The following ZDHHC2 variants were observed in gnomAD, a reference collection of about 807,000 sequenced individuals.
ZDHHC2 encodes zDHHC palmitoyltransferase 2.
Under a neutral mutation model 55.6 loss-of-function variants are expected in ZDHHC2, and 51 were observed. The observed-to-expected ratio is 0.92, with a 90% CI of 0.73 to 1.16. The LOEUF is 1.16. Ranked by LOEUF, ZDHHC2 falls within the 50% of genes most tolerant of loss-of-function variation. The pLI is 0.00. For missense variants in ZDHHC2, 491 were observed against 442.4 expected (o/e 1.11, Z -0.99); for synonymous variants, 199 against 152.9 (o/e 1.30, Z -2.22).
intron 7 of ZDHHC2, among the ~76,000 whole-genome samples, chr8:17,207,025 A>G (rs950978819): frequency 6.6e-6 from 1 of 152,178 alleles, no homozygotes; most frequent in Admixed American, 6.5e-5. Context: ...GGAGAGCATT[A>G]CCTCACTGCT....
chr8:17,195,481 T>A, intron 3 of ZDHHC2, 23 bp from the exon 4 acceptor site: 1 of 1,599,812 alleles, frequency 6.3e-7, no homozygotes, highest in Non-Finnish European at 8.5e-7. Context: ...AAATACTGAT[T>A]AAGATTTAAA....
In ZDHHC2 at chr8:17,195,619, C is replaced by G. The variant is rs1276647239; in HGVS notation, c.368C>G (p.Ser123Cys). Reference sequence around the variant, plus strand: ...CTTCCCATCTATACCAGGACCATGTCTGGAGGTAAATGTTGATAATGAGTG... The same window carrying G: ...CTTCCCATCTATACCAGGACCATGTGTGGAGGTAAATGTTGATAATGAGTG... ...KDLPIYTRTM[S>C]GAIRYCDRCQ... Residue 123 changes from serine to cysteine, a missense_variant, in exon 4 of 13, where the codon TCT (serine) becomes TGT (cysteine). Ser to Cys is a moderately radical substitution (Grantham distance 112). Coordinates refer to ENST00000262096, the MANE Select transcript of ZDHHC2 (RefSeq NM_016353.5). The G allele has an allele frequency of 6.2e-7, 1 of 1,613,742 alleles. No individual in the cohort carries two copies. The highest frequency in any genetic ancestry group is 2.2e-5 in the East Asian group (1 of 44,862).
chr8:17,195,565 A>C lies in ZDHHC2; in HGVS notation c.314A>C (p.Gln105Pro), dbSNP rs751890279. 1 of 1,613,854 alleles carries C rather than the reference A, an allele frequency of 6.2e-7. No individual in the cohort carries two copies. The highest frequency in any genetic ancestry group is 8.5e-7 in the Non-Finnish European group (1 of 1,179,860). The change falls in exon 4 of 13, where the codon CAG (glutamine) becomes CCG (proline). Residue 105 changes from glutamine to proline, a missense_variant. Coordinates refer to ENST00000262096, the MANE Select transcript of ZDHHC2 (RefSeq NM_016353.5). ...AGAGAGCCAAGAGGAGAAGCCCATC[A>C]GGAAGTTCTTAGGCGAGCAGCCAAG... ...LEREPRGEAH[Q>P]EVLRRAAKDL... is the part of the protein sequence containing the mutation.
chr8:17,156,568 G>A lies in ZDHHC2; in HGVS notation c.-156G>A, dbSNP rs1804054043. 2 of 408,326 alleles carry A rather than the reference G, an allele frequency of 4.9e-6. No individual in the cohort carries two copies. Among genetic ancestry groups the A allele is most frequent in the Non-Finnish European group, 6.7e-6 (2 of 300,102 alleles). The allele number at this position is 408,326 out of a possible 1,614,324, so 25.3% of individuals were successfully genotyped here. The stretch of plus-strand genomic sequence containing the variant: ...TCCGCCGCGCCGGCTCGGGGCTGCG[G>A]GATGGGGAGTTAGCGCCACGGCGGC... On this transcript the variant is annotated 5_prime_UTR_variant, in exon 1 of 13. Transcript: ENST00000262096.
intron 6 of ZDHHC2, among the ~76,000 whole-genome samples, chr8:17,204,091 C>T (rs772304241): frequency 6.6e-6 from 1 of 152,212 alleles, no homozygotes; most frequent in Non-Finnish European, 1.5e-5. Flanking sequence ...CAGGTGTGAG[C>T]CACCACGCCC....
chr8:17,161,683 C>T (rs1804351704), intron 1 of ZDHHC2, among the ~76,000 whole-genome samples: 1 of 152,024 alleles, frequency 6.6e-6, no homozygotes, highest in Admixed American at 6.6e-5. Context: ...CATAGTGGAA[C>T]CCTGTCTCTA....
In ZDHHC2 at chr8:17,198,488, A is replaced by G. The variant is rs148454257; in HGVS notation, c.476+75A>G. ...TAAATTAAATCACTTATCCATGTAA[A>G]TCTTTTCACACATGAAATATTACTT... On this transcript the variant is annotated intron_variant, in intron 6 of 12. Coordinates refer to ENST00000262096, the MANE Select transcript of ZDHHC2 (RefSeq NM_016353.5). 519 of 1,346,598 alleles carry G rather than the reference A, an allele frequency of 3.9e-4. 3 individuals carry two copies. The African/African-American group carries it at 7.2e-3, about 19-fold the overall frequency. 83.4% of individuals were successfully genotyped at this position (1,346,598 alleles called of 1,614,324 possible). A position where few individuals can be genotyped will look rare whatever the true frequency, so the allele number is the denominator to read the frequency against.
chr8:17,195,456 T>TTA, intron 3 of ZDHHC2, 48 bp from the exon 4 acceptor site: 1 of 1,563,172 alleles, frequency 6.4e-7, no homozygotes, highest in Non-Finnish European at 8.7e-7. Context: ...GACCAATATG[T>TTA]TATAATTTCT....
chr8:17,193,808 G>A (rs1806165942), intron 3 of ZDHHC2, among the ~76,000 whole-genome samples: 1 of 152,236 alleles, frequency 6.6e-6, no homozygotes, highest in East Asian at 1.9e-4. Context: ...TGGGGTACAT[G>A]TCCAGAACGT....
At chr8:17,214,306 G>A (rs903530869) in intron 10 of ZDHHC2, among the ~76,000 whole-genome samples, 4 of 152,174 alleles carry the variant, frequency 2.6e-5, no homozygotes, top group African/African-American at 9.7e-5. Flanking sequence ...GGGTTTGTAA[G>A]ACCTGATAAT....
At chr8:17,168,180 T>C (rs929328567) in intron 1 of ZDHHC2, among the ~76,000 whole-genome samples, 2 of 152,068 alleles carry the variant, frequency 1.3e-5, no homozygotes, top group Non-Finnish European at 2.9e-5. Context: ...CTGAAAAAGG[T>C]CAAGGAAGAC....
At position 17,199,509 on chromosome 8, in the gene ZDHHC2, T is replaced by TTCTTCTTCGTCTTCGTCTTCG. The variant is rs1297662337; in HGVS notation, c.476+1101_476+1102insTTCGTCTTCGTCTTCGTCTTC. ...CTTCTTCTTCTTCTTCTTCTTCTTC[T>TTCTTCTTCGTCTTCGTCTTCG]TCTTCGTCTTCGTCTTCGTCTTCTG... On this transcript the variant is annotated intron_variant, in intron 6 of 12. Coordinates refer to ENST00000262096, the MANE Select transcript of ZDHHC2 (RefSeq NM_016353.5). Among the ~76,000 whole-genome samples the TTCTTCTTCGTCTTCGTCTTCG allele has an allele frequency of 1.3e-3, 163 of 121,156 alleles. 1 individual carries two copies. Among genetic ancestry groups the TTCTTCTTCGTCTTCGTCTTCG allele is most frequent in the South Asian group, 5.1e-3 (18 of 3,532 alleles). 79.5% of individuals were successfully genotyped at this position (121,156 alleles called of 152,430 possible).
At chr8:17,213,686 G>C (rs1807497076) in intron 10 of ZDHHC2, among the ~76,000 whole-genome samples, 1 of 152,154 alleles carries the variant, frequency 6.6e-6, no homozygotes. Flanking sequence ...TAAAGTGACA[G>C]GTGCTCAATA....
chr8:17,203,225 A>G (rs535792163), intron 6 of ZDHHC2, among the ~76,000 whole-genome samples: 1 of 151,430 alleles, frequency 6.6e-6, no homozygotes, highest in East Asian at 1.9e-4. Flanking sequence ...ATGCCAAGAT[A>G]ATTTTTGTAT....
In ZDHHC2 at chr8:17,210,393, G is replaced by A; in HGVS notation, c.863G>A (p.Gly288Asp). 1 of 1,612,876 alleles carries A rather than the reference G, an allele frequency of 6.2e-7. No homozygotes were observed. Among genetic ancestry groups the A allele is most frequent in the Non-Finnish European group, 8.5e-7 (1 of 1,179,464 alleles). ...YWLLPIFSSLGDGCSFPTCLV... is the reference protein window; with the variant it reads ...YWLLPIFSSLDDGCSFPTCLV... ...AATTTTTATTTTAATTCTAGTCTAG[G>A]TGATGGCTGCTCCTTTCCAACTTGC... Residue 288 changes from glycine to aspartate, a missense_variant, in exon 10 of 13, where the codon GGT becomes GAT. By Grantham distance (94) the Gly-to-Asp change is moderately conservative. Coordinates refer to ENST00000262096, the MANE Select transcript of ZDHHC2 (RefSeq NM_016353.5).
chr8:17,203,390 C>G lies in ZDHHC2; in HGVS notation c.477-2265C>G, dbSNP rs368658060. Among the ~76,000 whole-genome samples the G allele has an allele frequency of 2.7e-3, 417 of 152,044 alleles. 2 individuals are homozygous for G. Among genetic ancestry groups the G allele is most frequent in the African/African-American group, 9.5e-3 (395 of 41,462 alleles). On this transcript the variant is annotated intron_variant, in intron 6 of 12. Transcript: ENST00000262096. ...GAACTACAGCCATGTGCCACCATGC[C>G]CGGCTAATTTTTTGTATTTTTAGTA... is the stretch of plus-strand genomic sequence containing the variant.
intron 8 of ZDHHC2, among the ~76,000 whole-genome samples, chr8:17,209,263 A>G (rs1439349653): frequency 6.6e-6 from 1 of 152,162 alleles, no homozygotes; most frequent in Non-Finnish European, 1.5e-5. Context: ...CGGTTTGGAC[A>G]AACTAGTTTA....
In ZDHHC2 at chr8:17,190,213, A is replaced by G. The variant is rs1805947122; in HGVS notation, c.252+3788A>G. Among the ~76,000 whole-genome samples, 9 of 151,912 alleles carry G rather than the reference A, an allele frequency of 5.9e-5. No homozygotes were observed. The South Asian group carries it at 1.9e-3, about 32-fold the overall frequency. On this transcript the variant is annotated intron_variant, in intron 3 of 12. Coordinates refer to ENST00000262096, the MANE Select transcript of ZDHHC2 (RefSeq NM_016353.5). Reference sequence around the variant, plus strand: ...GGAGGTTGCAGTGAGCCGAGATCGCACCACTGCACTCCAGCCTGGGCGACA... The same window carrying G: ...GGAGGTTGCAGTGAGCCGAGATCGCGCCACTGCACTCCAGCCTGGGCGACA...
chr8:17,163,611 G>A (rs918324054), intron 1 of ZDHHC2, among the ~76,000 whole-genome samples: 4 of 152,074 alleles, frequency 2.6e-5, no homozygotes, highest in Non-Finnish European at 5.9e-5. Flanking sequence ...ATGCCACTGC[G>A]TTTTGACAGT....
Sources: gnomAD v4.1 joint callset for allele counts (sites outside exome capture counted in the v4.1 genomes callset) on GRCh38, gnomAD v4.1.1 for gene constraint, MANE v1.5 for transcripts, NCBI Gene and HGNC (gene_info 2026-07-23, HGNC 2026-07-21) for gene names.